Variants in LMNB1 observed in about 807,000 individuals in gnomAD.
LMNB1 encodes lamin-B1.
In LMNB1, 23 loss-of-function variants were observed where a neutral mutation model predicts 67.1. That is an observed-to-expected ratio of 0.34 (90% CI 0.25 to 0.49). The LOEUF is 0.49. LMNB1 is among the 20% of genes least tolerant of loss of function. The probability of loss-of-function intolerance (pLI) is 0.99; values close to 1 mark genes in which losing one functional copy is unlikely to be tolerated. For missense variants in LMNB1, 634 were observed against 746.5 expected (o/e 0.85, Z 1.76); for synonymous variants, 281 against 282.9 (o/e 0.99, Z 0.07).
chr5:126,808,028 T>C (rs1274664853), intron 3 of LMNB1, among the ~76,000 whole-genome samples: 1 of 151,794 alleles, frequency 6.6e-6, no homozygotes, highest in Non-Finnish European at 1.5e-5. Context: ...TGTGCCACCA[T>C]GCCCGGCTAA....
chr5:126,834,432 A>T (rs1752202740), intron 10 of LMNB1, among the ~76,000 whole-genome samples: 1 of 152,168 alleles, frequency 6.6e-6, no homozygotes. Context: ...TCTCAATCTC[A>T]AGAGAGTACC....
chr5:126,830,499 T>C (rs3805739), intron 9 of LMNB1, among the ~76,000 whole-genome samples: 11,148 of 152,278 alleles, frequency 0.073, 492 homozygotes, highest in Non-Finnish European at 0.1. Context: ...AGCTCACCCA[T>C]TTTTTATACG....
At chr5:126,799,317 G>A (rs1376007244) in intron 1 of LMNB1, among the ~76,000 whole-genome samples, 7 of 152,246 alleles carry the variant, frequency 4.6e-5, no homozygotes, top group Non-Finnish European at 8.8e-5. Context: ...CGGCCGCGAT[G>A]CATTGACTTT....
At chr5:126,821,765 G>A (rs770888087) in intron 7 of LMNB1, among the ~76,000 whole-genome samples, 1 of 152,202 alleles carries the variant, frequency 6.6e-6, no homozygotes, top group East Asian at 1.9e-4. Flanking sequence ...GGCCATGATG[G>A]GTTGTGAGAT....
chr5:126,836,057 G>C (rs796591983), intron 10 of LMNB1, among the ~76,000 whole-genome samples, 166 bp from the exon 11 acceptor site: 23 of 151,548 alleles, frequency 1.5e-4, no homozygotes, highest in African/African-American at 4.8e-4. Context: ...AACAAACAAA[G>C]AAAAAGAAAA....
chr5:126,787,546 A>ATATATATATATATATTTTTTTTTTT, intron 1 of LMNB1, among the ~76,000 whole-genome samples: 2 of 65,570 alleles, frequency 3.1e-5, no homozygotes, highest in African/African-American at 6.6e-5. Flanking sequence ...ATATATATAT[A>ATATATATATATATATTTTTTTTTTT]TTTTTTTTTT....
chr5:126,814,657 G>A (rs1180759220), intron 5 of LMNB1, among the ~76,000 whole-genome samples: 3 of 151,944 alleles, frequency 2.0e-5, no homozygotes, highest in Non-Finnish European at 4.4e-5. Context: ...TCCTGCCTCA[G>A]CCTCCTGAGT....
At chr5:126,833,471 C>T (rs1233000741) in intron 10 of LMNB1, among the ~76,000 whole-genome samples, 1 of 152,164 alleles carries the variant, frequency 6.6e-6, no homozygotes, top group Non-Finnish European at 1.5e-5. Flanking sequence ...CTTAAGTCTG[C>T]TTTGCTTCAT....
intron 9 of LMNB1, among the ~76,000 whole-genome samples, chr5:126,826,433 T>G (rs1751999955): frequency 6.6e-6 from 1 of 152,200 alleles, no homozygotes; most frequent in African/African-American, 2.4e-5. Context: ...ACAATATCCA[T>G]GAGCTAATAA....
At chr5:126,793,833 G>A (rs778620302) in intron 1 of LMNB1, among the ~76,000 whole-genome samples, 2 of 152,060 alleles carry the variant, frequency 1.3e-5, no homozygotes, top group Non-Finnish European at 2.9e-5. Flanking sequence ...CTGAGATTGC[G>A]CCATTGCACT....
At chr5:126,826,937 C>T (rs1461246722) in intron 9 of LMNB1, among the ~76,000 whole-genome samples, 75 of 152,198 alleles carry the variant, frequency 4.9e-4, no homozygotes, top group Non-Finnish European at 1.5e-5. Context: ...TGTAATACTG[C>T]TTTTTCATCC....
At chr5:126,821,523 G>A (rs527745489) in intron 7 of LMNB1, among the ~76,000 whole-genome samples, 2 of 152,308 alleles carry the variant, frequency 1.3e-5, no homozygotes, top group African/African-American at 4.8e-5. Context: ...AAAGCTTACT[G>A]AAAGAAGGAG....
intron 5 of LMNB1, among the ~76,000 whole-genome samples, chr5:126,814,416 T>G (rs916671461): frequency 6.6e-6 from 1 of 152,244 alleles, no homozygotes; most frequent in Admixed American, 6.5e-5. Context: ...TGATCTTCAC[T>G]GTGCTTTGGA....
intron 1 of LMNB1, among the ~76,000 whole-genome samples, chr5:126,789,895 G>A (rs1010506781): frequency 5.3e-5 from 8 of 151,980 alleles, no homozygotes; most frequent in African/African-American, 1.5e-4. Flanking sequence ...GGTTGGTCTC[G>A]ATCTCCTGAC....
chr5:126,786,913 C>A (rs1313627013), intron 1 of LMNB1, among the ~76,000 whole-genome samples: 1 of 152,114 alleles, frequency 6.6e-6, no homozygotes, highest in Admixed American at 6.6e-5. Flanking sequence ...TTTTTCTCTT[C>A]TTAAAAAGCT....
chr5:126,821,854 G>A (rs189120638), intron 7 of LMNB1, among the ~76,000 whole-genome samples: 754 of 152,202 alleles, frequency 5.0e-3, no homozygotes, highest in Non-Finnish European at 7.5e-3. Context: ...TATGTTCAGG[G>A]CCTGCTAAAA....
chr5:126,800,374 A>G (rs1451883063), intron 1 of LMNB1, among the ~76,000 whole-genome samples: 2 of 152,118 alleles, frequency 1.3e-5, no homozygotes, highest in East Asian at 1.9e-4. Flanking sequence ...GAAGGATGAC[A>G]TTTGTTCCAT....
In LMNB1 at chr5:126,832,707, G is replaced by T; in HGVS notation, c.1625G>T (p.Arg542Ile). Residue 542 changes from arginine to isoleucine, a missense_variant, in exon 10 of 11, where the codon AGA becomes ATA. By Grantham distance (97) the Arg-to-Ile change is moderately conservative. Transcript: ENST00000261366. ...KNSQGEEVAQ[R>I]STVFKTTIPE... Reference sequence around the variant, plus strand: ...TATTGTTTTTAGGAGGTTGCTCAAAGAAGTACAGTCTTTAAAACAACCATA... The same window carrying T: ...TATTGTTTTTAGGAGGTTGCTCAAATAAGTACAGTCTTTAAAACAACCATA... The T allele has an allele frequency of 6.2e-7, 1 of 1,611,798 alleles. No individual in the cohort carries two copies. The highest frequency in any genetic ancestry group is 1.7e-4 in the Middle Eastern group (1 of 6,058).
chr5:126,791,759 G>A (rs940300375), intron 1 of LMNB1, among the ~76,000 whole-genome samples: 3 of 150,612 alleles, frequency 2.0e-5, no homozygotes, highest in African/African-American at 7.4e-5. Context: ...GAACCATCAT[G>A]CCTAGCCTTT....
Sources: gnomAD v4.1 joint callset for allele counts (sites outside exome capture counted in the v4.1 genomes callset) on GRCh38, gnomAD v4.1.1 for gene constraint, MANE v1.5 for transcripts, NCBI Gene and HGNC (gene_info 2026-07-23, HGNC 2026-07-21) for gene names.